GANC: variants seen among roughly 807,000 people sequenced by gnomAD.
GANC encodes neutral alpha-glucosidase C.
In GANC, 117 loss-of-function variants were observed where a neutral mutation model predicts 124.2. The observed-to-expected ratio is 0.94, with a 90% CI of 0.81 to 1.10. The LOEUF (loss-of-function observed/expected upper bound fraction) is 1.10, where lower values mean the gene tolerates loss of function less well. Among genes scored for constraint, GANC ranks in the 50% least tolerant of loss-of-function variants. The probability of loss-of-function intolerance (pLI) is 0.00; values close to 1 mark genes in which losing one functional copy is unlikely to be tolerated. For synonymous variants in GANC, 377 were observed against 376.8 expected, an observed-to-expected ratio of 1.00 and a Z score of -0.01; for missense variants, 1,140 against 1,095.0, an observed-to-expected ratio of 1.04 and a Z score of -0.58.
Position 42,273,421 on chromosome 15 carries a change from C to A in GANC, c.-1061C>A. The A allele has an allele frequency of 6.2e-7, 1 of 1,613,258 alleles. No homozygotes were observed. The highest frequency in any genetic ancestry group is 1.3e-5 in the African/African-American group (1 of 75,042). On this transcript the variant is annotated 5_prime_UTR_variant, in exon 1 of 24. Coordinates refer to ENST00000318010, the MANE Select transcript of GANC (RefSeq NM_198141.3). Reference sequence around the variant, plus strand: ...CATCTTCACAGCCGTGGAGTGCCTACCGAAAGCATTTCACCCTCTTCCGGT... The same window carrying A: ...CATCTTCACAGCCGTGGAGTGCCTAACGAAAGCATTTCACCCTCTTCCGGT...
chr15:42,306,452 T>C (rs1727237954), intron 6 of GANC, 94 bp from the exon 7 acceptor site: 2 of 999,016 alleles, frequency 2.0e-6, no homozygotes, highest in Non-Finnish European at 3.0e-6. Flanking sequence ...TTTCTCAGTC[T>C]TTTAAAAAAA....
At chr15:42,343,413 T>G in intron 19 of GANC, 1 of 438,128 alleles carries the variant, frequency 2.3e-6, no homozygotes. Context: ...CTAGTAAAAG[T>G]GAGTCCTGAT....
intron 11 of GANC, among the ~76,000 whole-genome samples, chr15:42,322,730 G>T (rs1405021765): frequency 6.6e-6 from 1 of 152,106 alleles, no homozygotes; most frequent in Non-Finnish European, 1.5e-5. Flanking sequence ...TGTCAATCTG[G>T]CCAAGAAAAG....
chr15:42,339,721 G>GTACCAGGCTGGAGCC lies in GANC; in HGVS notation c.1903_1917dup (p.Ala635_Gln639dup). On this transcript the variant is annotated inframe_insertion, in exon 17 of 24. Transcript: ENST00000318010. ...CAGAGACAGAGCTGCTAGTGCGTTG[G>GTACCAGGCTGGAGCC]TACCAGGCTGGAGCCTACCAGCCCT... The GTACCAGGCTGGAGCC allele has an allele frequency of 6.2e-7, 1 of 1,614,118 alleles. No homozygotes were observed. The highest frequency in any genetic ancestry group is 8.5e-7 in the Non-Finnish European group (1 of 1,180,018).
intron 4 of GANC, 105 bp from the exon 5 acceptor site, chr15:42,292,630 G>A: frequency 8.8e-7 from 1 of 1,134,398 alleles, no homozygotes; most frequent in Non-Finnish European, 1.3e-6. Context: ...CTATGGCTAT[G>A]TCACATGAAT....
chr15:42,281,242 A>G, intron 3 of GANC: 1 of 632,506 alleles, frequency 1.6e-6, no homozygotes, highest in East Asian at 2.7e-5. Flanking sequence ...ACTGAACTCC[A>G]TTTTAATGTC....
chr15:42,298,334 C>A (rs902592658), intron 6 of GANC, among the ~76,000 whole-genome samples: 1 of 152,108 alleles, frequency 6.6e-6, no homozygotes, highest in Admixed American at 6.5e-5. Flanking sequence ...ACACGCAGGG[C>A]AGTGCTGTGG....
At position 42,333,028 on chromosome 15, in the gene GANC, A is replaced by ATATC. The variant is rs1390829726; in HGVS notation, c.1741+2359_1741+2360insCTAT. ...AGCAAAACTCTGTCTCAAAAAATAT[A>ATATC]TATATATATATTTTTTTTGGTCACG... is the stretch of plus-strand genomic sequence containing the variant. On this transcript the variant is annotated intron_variant, in intron 15 of 23. Transcript: ENST00000318010. 2.6e-3 allele frequency among the ~76,000 whole-genome samples: 388 copies of ATATC among 146,874 alleles called. 1 individual carries two copies. The highest frequency in any genetic ancestry group is 9.3e-3 in the African/African-American group (374 of 40,124).
chr15:42,273,547 AG>A lies in GANC; in HGVS notation c.-934del. On this transcript the variant is annotated 5_prime_UTR_variant, in exon 1 of 24. Coordinates refer to ENST00000318010, the MANE Select transcript of GANC (RefSeq NM_198141.3). ...TGTGCGGCGTAGCGGCCCCTCTCTC[AG>A]ACAGTCGTCTGTGCGCCGTGAGACT... The A allele has an allele frequency of 7.3e-7, 1 of 1,368,864 alleles. No individual in the cohort carries two copies. The highest frequency in any genetic ancestry group is 9.8e-7 in the Non-Finnish European group (1 of 1,025,108). The allele number at this position is 1,368,864 out of a possible 1,614,324, so 84.8% of individuals were successfully genotyped here. A position where few individuals can be genotyped will look rare whatever the true frequency, so the allele number is the denominator to read the frequency against.
At chr15:42,341,595 A>G (rs1216191660) in intron 18 of GANC, among the ~76,000 whole-genome samples, 2 of 149,806 alleles carry the variant, frequency 1.3e-5, no homozygotes, top group Non-Finnish European at 3.0e-5. Context: ...ATGGAGCCTC[A>G]CTTTGTCACC....
intron 10 of GANC, among the ~76,000 whole-genome samples, chr15:42,312,649 C>CA (rs1479575678): frequency 3.9e-5 from 6 of 152,304 alleles, no homozygotes; most frequent in African/African-American, 1.4e-4. Context: ...ATCAAAAGAA[C>CA]ATGCCACTGC....
intron 5 of GANC, among the ~76,000 whole-genome samples, chr15:42,296,686 C>A (rs968049166): frequency 9.2e-5 from 14 of 152,136 alleles, no homozygotes; most frequent in Admixed American, 8.5e-4. Flanking sequence ...AGCTGCCGCA[C>A]CCAGACTCCT....
At chr15:42,333,823 G>T (rs2052264395) in intron 15 of GANC, among the ~76,000 whole-genome samples, 1 of 152,094 alleles carries the variant, frequency 6.6e-6, no homozygotes, top group South Asian at 2.1e-4. Context: ...CCCCTTTAAG[G>T]CCTGTAACAC....
intron 6 of GANC, among the ~76,000 whole-genome samples, chr15:42,301,993 C>T (rs1055752663): frequency 4.6e-5 from 7 of 152,206 alleles, no homozygotes; most frequent in East Asian, 1.9e-4. Context: ...GCACAGTGCT[C>T]GAGCTCTGCT....
intron 5 of GANC, among the ~76,000 whole-genome samples, chr15:42,294,244 CT>C (rs1379947195): frequency 6.6e-6 from 1 of 151,272 alleles, no homozygotes; most frequent in South Asian, 2.1e-4. Context: ...CTCCTTCCCC[CT>C]GTGTCCTCTA....
chr15:42,315,504 C>T (rs954576092), intron 10 of GANC, among the ~76,000 whole-genome samples: 10 of 152,214 alleles, frequency 6.6e-5, no homozygotes, highest in East Asian at 5.8e-4. Flanking sequence ...TAAGTGTTTA[C>T]GAGGATGCAG....
At chr15:42,330,430 C>T (rs1257404114) in intron 14 of GANC, 146 bp from the exon 15 acceptor site, 4 of 576,828 alleles carry the variant, frequency 6.9e-6, no homozygotes, top group East Asian at 3.3e-5. Context: ...TTCATTATAC[C>T]ATGAAAATTA....
intron 15 of GANC, among the ~76,000 whole-genome samples, chr15:42,336,154 A>G (rs866190898): frequency 6.8e-6 from 1 of 147,606 alleles, no homozygotes; most frequent in Non-Finnish European, 1.5e-5. Context: ...AAAAAAGAAA[A>G]AAAAAAGAGC....
intron 6 of GANC, among the ~76,000 whole-genome samples, chr15:42,304,077 T>C (rs1357614201): frequency 6.6e-6 from 1 of 152,194 alleles, no homozygotes; most frequent in South Asian, 2.1e-4. Flanking sequence ...GCATCGCACT[T>C]ACTCTAAAAT....
Sources: gnomAD v4.1 joint callset for allele counts (sites outside exome capture counted in the v4.1 genomes callset) on GRCh38, gnomAD v4.1.1 for gene constraint, MANE v1.5 for transcripts, NCBI Gene and HGNC (gene_info 2026-07-23, HGNC 2026-07-21) for gene names.